Variants in FAF1 observed in about 807,000 individuals in gnomAD.
The protein encoded by FAF1 is FAS-associated factor 1.
A neutral mutation model predicts 92.5 loss-of-function variants in FAF1; 25 were observed. The ratio of observed to expected loss-of-function variants is 0.27; its 90% CI spans 0.20 to 0.38. The LOEUF is 0.38. FAF1 is among the 10% of genes least tolerant of loss of function. The pLI, the probability that FAF1 is intolerant of heterozygous loss-of-function variation, is 1.00. For synonymous variants in FAF1, 234 were observed against 273.2 expected (o/e 0.86, Z 1.42); for missense variants, 636 against 793.3 (o/e 0.80, Z 2.38).
chr1:50,762,544 C>T (rs1346178287), intron 4 of FAF1, among the ~76,000 whole-genome samples: 1 of 151,984 alleles, frequency 6.6e-6, no homozygotes, highest in Non-Finnish European at 1.5e-5. Context: ...CACATATCTA[C>T]AACTATCTGA....
At chr1:50,692,086 C>G (rs746518740) in intron 7 of FAF1, among the ~76,000 whole-genome samples, 38 of 152,154 alleles carry the variant, frequency 2.5e-4, no homozygotes, top group East Asian at 7.7e-4. Flanking sequence ...CATTGTGGCA[C>G]GTACCTGTAG....
rs139997175 is a variant in FAF1 at position 50,677,936 on chromosome 1, G to A, written c.658-22408C>T. ...AAAAAAAGAGCAACTAGTTTTTATC[G>A]AATTATGCAGTTCTTGCCATCTTCC... On this transcript the variant is annotated intron_variant, in intron 7 of 18. Coordinates refer to ENST00000396153, the MANE Select transcript of FAF1 (RefSeq NM_007051.3). 3.3e-3 allele frequency among the ~76,000 whole-genome samples: 480 copies of A among 147,638 alleles called. 1 individual carries two copies. The highest frequency in any genetic ancestry group is 5.6e-3 in the Non-Finnish European group (375 of 67,244).
At chr1:50,746,270 ATATATATATATATATATATATATTTTTTT>A (rs1659594743) in intron 4 of FAF1, among the ~76,000 whole-genome samples, 2 of 26,114 alleles carry the variant, frequency 7.7e-5, no homozygotes, top group African/African-American at 1.9e-4. Context: ...ATATATATAT[ATATATATATATATATATATATATTTTTTT>A]TTTTTTTTTT....
intron 8 of FAF1, among the ~76,000 whole-genome samples, chr1:50,620,191 G>A (rs1335278253): frequency 6.6e-6 from 1 of 152,198 alleles, no homozygotes; most frequent in African/African-American, 2.4e-5. Context: ...ATAGGCGTGA[G>A]CCACCGTGTC....
intron 13 of FAF1, among the ~76,000 whole-genome samples, chr1:50,545,293 G>A (rs1259442496): frequency 6.6e-6 from 1 of 151,928 alleles, no homozygotes; most frequent in Non-Finnish European, 1.5e-5. Context: ...ATATATATTC[G>A]AGATGGAGTC....
chr1:50,583,668 C>T lies in FAF1; in HGVS notation c.1015G>A (p.Ala339Thr). Residue 339 changes from alanine to threonine, a missense_variant, in exon 11 of 19, where the codon GCA becomes ACA. This residue lies in a region of FAF1 where 319 missense variants were observed against 451.0 expected (regional missense o/e 0.71). Transcript: ENST00000396153. The surrounding 1 kb of genome is among the most constrained non-coding windows in gnomAD (Gnocchi z 4.2). Reference protein sequence around the residue: ...NEGDALLQFTAEFSSRYGDCH... With the variant: ...NEGDALLQFTTEFSSRYGDCH... ...TAACCCTACCTTGAAGAAAACTCTG[C>T]TGTAAATTGTAATAAGGCATCTCCT... 1.9e-6 allele frequency: 3 copies of T among 1,576,872 alleles called. No homozygotes were observed. The highest frequency in any genetic ancestry group is 1.7e-6 in the Non-Finnish European group (2 of 1,157,612).
intron 1 of FAF1, among the ~76,000 whole-genome samples, chr1:50,944,672 T>A (rs1428443250): frequency 1.3e-5 from 2 of 152,208 alleles, no homozygotes; most frequent in African/African-American, 4.8e-5. Context: ...ATAGTCACTA[T>A]CCTGATGACC....
At chr1:50,570,234 C>T (rs1311178872) in intron 12 of FAF1, among the ~76,000 whole-genome samples, 1 of 152,076 alleles carries the variant, frequency 6.6e-6, no homozygotes, top group Non-Finnish European at 1.5e-5. Flanking sequence ...AGAAGACAAG[C>T]GAATGCAGAC....
At chr1:50,654,249 T>C (rs1467038217) in intron 8 of FAF1, among the ~76,000 whole-genome samples, 2 of 152,196 alleles carry the variant, frequency 1.3e-5, no homozygotes, top group African/African-American at 4.8e-5. Context: ...CTAGGCATAA[T>C]CATTATTTCA....
At chr1:50,508,491 A>G (rs1647088192) in intron 15 of FAF1, among the ~76,000 whole-genome samples, 1 of 152,262 alleles carries the variant, frequency 6.6e-6, no homozygotes, top group South Asian at 2.1e-4. Context: ...AAAGTCATAT[A>G]TTGTATGATT....
intron 1 of FAF1, among the ~76,000 whole-genome samples, chr1:50,876,450 T>C (rs977794760): frequency 6.6e-6 from 1 of 152,218 alleles, no homozygotes; most frequent in African/African-American, 2.4e-5. Context: ...AGTGCCAGAA[T>C]GCAAGTAAGT....
intron 7 of FAF1, among the ~76,000 whole-genome samples, chr1:50,693,607 C>T (rs766674444): frequency 6.6e-6 from 1 of 151,876 alleles, no homozygotes; most frequent in Non-Finnish European, 1.5e-5. Flanking sequence ...TAAAAGTCTA[C>T]TTTAAGATAA....
chr1:50,500,194 A>T (rs1646966936), intron 15 of FAF1, among the ~76,000 whole-genome samples: 1 of 152,210 alleles, frequency 6.6e-6, no homozygotes, highest in Non-Finnish European at 1.5e-5. Context: ...GACCTACAAT[A>T]GCCAAAAGAA....
chr1:50,443,097 T>C (rs1477979559), intron 18 of FAF1, among the ~76,000 whole-genome samples: 1 of 152,240 alleles, frequency 6.6e-6, no homozygotes, highest in Non-Finnish European at 1.5e-5. Context: ...TCGTTGGCAT[T>C]TTCTGCCCAC....
At chr1:50,672,824 T>C (rs574515437) in intron 7 of FAF1, among the ~76,000 whole-genome samples, 1 of 152,196 alleles carries the variant, frequency 6.6e-6, no homozygotes, top group Non-Finnish European at 1.5e-5. Flanking sequence ...AATGTTATTT[T>C]AAAGTAGTCT....
intron 8 of FAF1, chr1:50,612,533 T>C (rs1652729211): frequency 1.2e-5 from 11 of 956,102 alleles, no homozygotes; most frequent in Non-Finnish European, 1.4e-5. Context: ...TTGGCTCATG[T>C]CTAGTCAATA....
At position 50,611,707 on chromosome 1, in the gene FAF1, C is replaced by T. The variant is rs143437699; in HGVS notation, c.745-15491G>A. Reference sequence around the variant, plus strand: ...CCACATCATAATCAATGCTAATGTTCACTAGGAAAACAGGAGTGGACAGAT... The same window carrying T: ...CCACATCATAATCAATGCTAATGTTTACTAGGAAAACAGGAGTGGACAGAT... On this transcript the variant is annotated intron_variant, in intron 8 of 18. Coordinates refer to ENST00000396153, the MANE Select transcript of FAF1 (RefSeq NM_007051.3). Among the ~76,000 whole-genome samples, 1,044 of 152,252 alleles carry T rather than the reference C, an allele frequency of 6.9e-3. 10 individuals are homozygous for T. The highest frequency in any genetic ancestry group is 0.046 in the South Asian group (221 of 4,820).
chr1:50,814,672 T>C (rs913800180), intron 2 of FAF1, among the ~76,000 whole-genome samples: 6 of 152,210 alleles, frequency 3.9e-5, no homozygotes, highest in Admixed American at 2.0e-4. Context: ...ATTTAAAAAA[T>C]GGGCAAAGGA....
intron 1 of FAF1, among the ~76,000 whole-genome samples, chr1:50,882,059 T>C (rs1644616640): frequency 6.6e-6 from 1 of 152,172 alleles, no homozygotes; most frequent in South Asian, 2.1e-4. Flanking sequence ...AGTAAGCATC[T>C]AAAATGTCGT....
Sources: gnomAD v4.1 joint callset for allele counts (sites outside exome capture counted in the v4.1 genomes callset) on GRCh38, gnomAD v4.1.1 for gene constraint, gnomAD v4.1.1 regional missense constraint, Gnocchi (gnomAD v3.1) non-coding constraint, MANE v1.5 for transcripts, NCBI Gene and HGNC (gene_info 2026-07-23, HGNC 2026-07-21) for gene names.